MCOLN2: variants seen among roughly 807,000 people sequenced by gnomAD.
MCOLN2 encodes the protein mucolipin-2.
A neutral mutation model predicts 67.5 loss-of-function variants in MCOLN2; 57 were observed. The observed-to-expected ratio is 0.84, with a 90% CI of 0.68 to 1.05. The LOEUF is 1.05. MCOLN2 is among the 50% of genes least tolerant of loss of function. The pLI, the probability that MCOLN2 is intolerant of heterozygous loss-of-function variation, is 0.00. For missense variants in MCOLN2, 620 were observed against 678.8 expected, an observed-to-expected ratio of 0.91 and a Z score of 0.96; for synonymous variants, 246 against 233.3, an observed-to-expected ratio of 1.05 and a Z score of -0.50.
At chr1:84,943,413 G>A (rs1230971246) in intron 7 of MCOLN2, among the ~76,000 whole-genome samples, 1 of 152,078 alleles carries the variant, frequency 6.6e-6, no homozygotes, top group African/African-American at 2.4e-5. Context: ...CGTCGGGGAT[G>A]GGGAGCAATG....
chr1:84,955,687 G>C (rs1359516634), intron 4 of MCOLN2, among the ~76,000 whole-genome samples: 3 of 152,176 alleles, frequency 2.0e-5, no homozygotes, highest in African/African-American at 7.2e-5. Context: ...GGCAAGACCA[G>C]AAGCAGGGAG....
intron 11 of MCOLN2, among the ~76,000 whole-genome samples, chr1:84,932,573 C>G (rs1008601717): frequency 6.6e-6 from 1 of 151,512 alleles, no homozygotes; most frequent in Non-Finnish European, 1.5e-5. Flanking sequence ...CTTTTCACCA[C>G]CCTAACCAGA....
intron 1 of MCOLN2, 94 bp from the exon 2 acceptor site, chr1:84,965,802 A>AT (rs1649351056): frequency 9.3e-7 from 1 of 1,074,640 alleles, no homozygotes; most frequent in Admixed American, 2.4e-5. Flanking sequence ...GTTGGTACAT[A>AT]TGGCATGTCA....
intron 4 of MCOLN2, 51 bp from the exon 5 acceptor site, chr1:84,952,581 C>T: frequency 1.7e-6 from 2 of 1,175,496 alleles, no homozygotes; most frequent in South Asian, 1.2e-5. Flanking sequence ...GAATTAGGTG[C>T]TAAAACTAAT....
chr1:84,945,131 G>A (rs1457613268), intron 7 of MCOLN2, among the ~76,000 whole-genome samples: 3 of 152,142 alleles, frequency 2.0e-5, no homozygotes, highest in Non-Finnish European at 4.4e-5. Flanking sequence ...GCCACAGGAG[G>A]GGGCTAGAGA....
rs71292915 is a variant in MCOLN2, at chr1:84,977,130, A to ATT, written c.78-11424_78-11423dup. ...TTAAGGCATAGAGTTTTTATTAGTT[A>ATT]TTTTTTTTGCTTGTTTGTTTATGCA... On this transcript the variant is annotated intron_variant, in intron 1 of 13. Coordinates refer to ENST00000370608, the MANE Select transcript of MCOLN2 (RefSeq NM_153259.4). Among the ~76,000 whole-genome samples the ATT allele has an allele frequency of 3.8e-4, 58 of 151,550 alleles. 1 individual carries two copies. Among genetic ancestry groups the ATT allele is most frequent in the African/African-American group, 1.2e-3 (49 of 41,350 alleles).
intron 11 of MCOLN2, among the ~76,000 whole-genome samples, chr1:84,934,928 G>A (rs1293369005): frequency 6.6e-6 from 1 of 152,196 alleles, no homozygotes; most frequent in Non-Finnish European, 1.5e-5. Flanking sequence ...AAGCTGAAGT[G>A]TTATGGGACC....
At chr1:84,992,208 T>C (rs181359102) in intron 1 of MCOLN2, among the ~76,000 whole-genome samples, 1 of 152,212 alleles carries the variant, frequency 6.6e-6, no homozygotes, top group Non-Finnish European at 1.5e-5. Context: ...CCAAAGACTA[T>C]TTTCAAGAAT....
intron 1 of MCOLN2, among the ~76,000 whole-genome samples, chr1:84,975,012 G>C (rs542548208): frequency 1.3e-5 from 2 of 152,180 alleles, no homozygotes; most frequent in Non-Finnish European, 2.9e-5. Context: ...TGCCAGCTCA[G>C]GCACGATACA....
intron 1 of MCOLN2, among the ~76,000 whole-genome samples, chr1:84,979,691 A>G (rs1429969550): frequency 2.0e-5 from 3 of 152,326 alleles, no homozygotes; most frequent in Middle Eastern, 6.8e-3. Flanking sequence ...AATAAGAACC[A>G]TATACAGCAT....
intron 8 of MCOLN2, 42 bp downstream of exon 8, chr1:84,940,837 G>A (rs371678603): frequency 1.5e-4 from 204 of 1,395,996 alleles, no homozygotes; most frequent in Non-Finnish European, 1.7e-4. Flanking sequence ...AACTGAGGGC[G>A]CAGGCCAAGA....
intron 1 of MCOLN2, among the ~76,000 whole-genome samples, chr1:84,966,110 G>C (rs1031247799): frequency 6.6e-6 from 1 of 151,960 alleles, no homozygotes; most frequent in African/African-American, 2.4e-5. Context: ...AAATTAGCTG[G>C]GTATGGTGGC....
rs555601694 is a variant in MCOLN2, at chr1:84,992,157, T to C, written c.77+4639A>G. ...GTAGTTGGCATAAGTAGTACAATTT[T>C]TTAAGGCCACCATTTAAATTGTGGG... On this transcript the variant is annotated intron_variant, in intron 1 of 13. Coordinates refer to ENST00000370608, the MANE Select transcript of MCOLN2 (RefSeq NM_153259.4). Among the ~76,000 whole-genome samples, 47 of 152,340 alleles carry C rather than the reference T, an allele frequency of 3.1e-4. No individual in the cohort carries two copies. In the South Asian group the frequency reaches 5.8e-3, roughly 19 times the overall value.
At chr1:84,974,188 G>A (rs1250093353) in intron 1 of MCOLN2, among the ~76,000 whole-genome samples, 2 of 152,120 alleles carry the variant, frequency 1.3e-5, no homozygotes, top group Non-Finnish European at 2.9e-5. Flanking sequence ...TGCTCTGGGT[G>A]TCTAAGTGAA....
At chr1:84,965,340 G>A (rs1308872781) in intron 2 of MCOLN2, among the ~76,000 whole-genome samples, 2 of 152,202 alleles carry the variant, frequency 1.3e-5, no homozygotes, top group South Asian at 2.1e-4. Context: ...TATAGAATCT[G>A]TACAGAGAGG....
Position 84,931,592 on chromosome 1 carries a change from T to C in MCOLN2, c.1336-24A>G, listed in dbSNP as rs200696637. The C allele has an allele frequency of 5.1e-5, 80 of 1,583,040 alleles. No homozygotes were observed. The East Asian group carries it at 1.6e-3, about 32-fold the overall frequency. On this transcript the variant is annotated intron_variant, in intron 11 of 13. Coordinates refer to ENST00000370608, the MANE Select transcript of MCOLN2 (RefSeq NM_153259.4). ...AACTGTAGGGGGAAATAAAAACTAG[T>C]TTCTGAAATAGAGTATTCTAAAAAG...
At chr1:84,941,298 C>A (rs1251252294) in intron 7 of MCOLN2, among the ~76,000 whole-genome samples, 2 of 152,110 alleles carry the variant, frequency 1.3e-5, no homozygotes, top group Admixed American at 1.3e-4. Context: ...AGATCAAGAC[C>A]ATCCTGGCTA....
chr1:84,985,127 G>C (rs916579322), intron 1 of MCOLN2, among the ~76,000 whole-genome samples: 2 of 151,982 alleles, frequency 1.3e-5, no homozygotes, highest in African/African-American at 4.8e-5. Context: ...CCATCTGATG[G>C]AACGAACCCA....
At chr1:84,951,952 TG>T (rs1308236619) in intron 6 of MCOLN2, among the ~76,000 whole-genome samples, 1 of 152,198 alleles carries the variant, frequency 6.6e-6, no homozygotes, top group Non-Finnish European at 1.5e-5. Context: ...CTGGGTGTGG[TG>T]GCACATGCCT....
Sources: gnomAD v4.1 joint callset for allele counts (sites outside exome capture counted in the v4.1 genomes callset) on GRCh38, gnomAD v4.1.1 for gene constraint, MANE v1.5 for transcripts, NCBI Gene and HGNC (gene_info 2026-07-23, HGNC 2026-07-21) for gene names.